DNAH17: variants seen among roughly 807,000 people sequenced by gnomAD.
DNAH17 encodes the protein axonemal beta dynein heavy chain 17.
Under a neutral mutation model 485.6 loss-of-function variants are expected in DNAH17, and 376 were observed. The ratio of observed to expected loss-of-function variants is 0.77; its 90% confidence interval spans 0.71 to 0.84. The LOEUF is 0.84. DNAH17 is among the 40% of genes least tolerant of loss of function. The pLI is 0.00. For synonymous variants in DNAH17, 3,031 were observed against 2,405.9 expected (o/e 1.26, Z -7.60); for missense variants, 6,370 against 5,839.3 (o/e 1.09, Z -2.96).
At chr17:78,513,081 C>T (rs1176370013) in intron 26 of DNAH17, among the ~76,000 whole-genome samples, 1 of 152,018 alleles carries the variant, frequency 6.6e-6, no homozygotes. Context: ...AAATCCTAAG[C>T]CCCCGAACAA....
chr17:78,524,190 T>C (rs2091004216), intron 25 of DNAH17, among the ~76,000 whole-genome samples: 1 of 152,072 alleles, frequency 6.6e-6, no homozygotes, highest in Admixed American at 6.6e-5. Context: ...CAGGCTGGAG[T>C]ACAGTGGCAC....
intron 46 of DNAH17, 51 bp downstream of exon 46, chr17:78,485,909 G>A (rs1181933895): frequency 1.1e-5 from 18 of 1,594,910 alleles, no homozygotes; most frequent in Admixed American, 6.8e-5. Flanking sequence ...GTACTGCACC[G>A]ATTCCTGCCT....
At chr17:78,453,603 C>T (rs2087651397) in intron 64 of DNAH17, 138 bp from the exon 65 acceptor site, 1 of 1,139,890 alleles carries the variant, frequency 8.8e-7, no homozygotes, top group Non-Finnish European at 1.2e-6. Flanking sequence ...CAACTTGTTC[C>T]CAACAGCTCG....
At chr17:78,487,198 T>C (rs1295368210) in intron 44 of DNAH17, among the ~76,000 whole-genome samples, 1 of 152,146 alleles carries the variant, frequency 6.6e-6, no homozygotes, top group Admixed American at 6.5e-5. Context: ...TTGAGTCAGC[T>C]CTACCATGGC....
At chr17:78,565,288 C>A (rs1222946572) in intron 11 of DNAH17, among the ~76,000 whole-genome samples, 4 of 152,228 alleles carry the variant, frequency 2.6e-5, no homozygotes, top group African/African-American at 7.2e-5. Context: ...ATAATTTTTT[C>A]AACCACAGCA....
At chr17:78,566,855 G>A in intron 10 of DNAH17, 125 bp from the exon 11 acceptor site, 2 of 1,305,360 alleles carry the variant, frequency 1.5e-6, no homozygotes, top group African/African-American at 1.5e-5. Context: ...CTGTTGCGGG[G>A]ACCGCTCTAC....
chr17:78,491,848 T>C (rs1424530413), intron 42 of DNAH17, among the ~76,000 whole-genome samples: 1 of 152,192 alleles, frequency 6.6e-6, no homozygotes, highest in Non-Finnish European at 1.5e-5. Context: ...GGCTCAGTTT[T>C]TCCAGGCTCA....
intron 11 of DNAH17, among the ~76,000 whole-genome samples, chr17:78,563,813 C>G (rs984942056): frequency 6.6e-6 from 1 of 152,110 alleles, no homozygotes; most frequent in Admixed American, 6.5e-5. Context: ...CTATTTAGAG[C>G]ACAGGGCTGT....
intron 1 of DNAH17, 111 bp from the exon 2 acceptor site, chr17:78,575,193 G>A: frequency 2.5e-6 from 2 of 788,850 alleles, no homozygotes; most frequent in South Asian, 1.9e-5. Context: ...GAACAAAACA[G>A]TTGGTCGAGA....
At chr17:78,544,824 A>AAAAAAAAAT in intron 16 of DNAH17, among the ~76,000 whole-genome samples, 1 of 146,874 alleles carries the variant, frequency 6.8e-6, no homozygotes, top group Non-Finnish European at 1.5e-5. Context: ...AAAAAAAAAA[A>AAAAAAAAAT]GGTGGGGGTG....
rs1027843613 is a variant in DNAH17, at chr17:78,566,605, C to T, written c.1569+9G>A. The stretch of plus-strand genomic sequence containing the variant: ...TCCAGATCTGCCTGCGTCTCCACTG[C>T]ATGCTTACCTTTGCGGAGGACTTGA... On this transcript the variant is annotated intron_variant, in intron 11 of 80. Coordinates refer to ENST00000389840, the MANE Select transcript of DNAH17 (RefSeq NM_173628.4). 3 of 1,588,754 alleles carry T rather than the reference C, an allele frequency of 1.9e-6. No individual in the cohort carries two copies. The South Asian group carries it at 3.4e-5, about 18-fold the overall frequency.
At position 78,476,697 on chromosome 17, in the gene DNAH17, G is replaced by C. The variant is rs1417991713; in HGVS notation, c.8029C>G (p.Pro2677Ala). ...AGCCAAAGGCGGACGAGGTCCAGTG[G>C]GGTTTTCAGAACTTCTGCTGTGGAA... is the stretch of plus-strand genomic sequence containing the variant. ...LFSTAEVLKT[P>A]LDLVRLWLHE... The change falls in exon 52 of 81, where the codon CCA becomes GCA. Residue 2677 changes from proline (P) to alanine (A), a missense_variant. Pro to Ala is a conservative substitution (Grantham distance 27, BLOSUM62 -1). Coordinates refer to ENST00000389840, the MANE Select transcript of DNAH17 (RefSeq NM_173628.4). The C allele has an allele frequency of 2.5e-6, 4 of 1,612,952 alleles. No homozygotes were observed. Among genetic ancestry groups the C allele is most frequent in the Admixed American group, 1.7e-5 (1 of 59,870 alleles).
chr17:78,481,912 G>A (rs1288671919), intron 48 of DNAH17, among the ~76,000 whole-genome samples: 2 of 152,036 alleles, frequency 1.3e-5, no homozygotes, highest in African/African-American at 4.8e-5. Flanking sequence ...CTACTTGGGA[G>A]GCTGAGGCAG....
chr17:78,560,968 G>A (rs1292207404), intron 12 of DNAH17, 33 bp from the exon 13 acceptor site: 1 of 1,534,254 alleles, frequency 6.5e-7, no homozygotes, highest in Non-Finnish European at 8.8e-7. Flanking sequence ...AGGCCCCACT[G>A]GATATCTCCT....
At chr17:78,484,449 C>A (rs12942000) in intron 48 of DNAH17, among the ~76,000 whole-genome samples, 1 of 151,844 alleles carries the variant, frequency 6.6e-6, no homozygotes, top group Non-Finnish European at 1.5e-5. Flanking sequence ...TCTGCTGGGG[C>A]TCCCAGCTGG....
At chr17:78,425,592 C>A (rs948427874) in intron 79 of DNAH17, 21 bp from the exon 80 acceptor site, 18 of 1,584,692 alleles carry the variant, frequency 1.1e-5, no homozygotes, top group Non-Finnish European at 1.5e-5. Context: ...ACACGAGCCG[C>A]TAGGAGGAGA....
chr17:78,487,628 A>G (rs2672907), intron 44 of DNAH17, among the ~76,000 whole-genome samples: 143,549 of 152,214 alleles, frequency 0.94, 67,756 homozygotes, highest in East Asian at 1. Flanking sequence ...GGGTTCAAGC[A>G]ATTCTCCTGT....
chr17:78,567,111 C>T lies in DNAH17; in HGVS notation c.1340G>A (p.Gly447Asp), dbSNP rs778904420. The change falls in exon 10 of 81, where the codon GGC becomes GAC. Residue 447 changes from glycine to aspartate, a missense_variant. Coordinates refer to ENST00000389840, the MANE Select transcript of DNAH17 (RefSeq NM_173628.4). ...FLKLEKIELG[G>D]VRGNLLGSLV... ...GCTCCCGAGGAGGTTCCCACGCACG[C>T]CCCCAAGCTCGATTTTCTCCAGCTT... 3.7e-6 allele frequency: 6 copies of T among 1,611,490 alleles called. No homozygotes were observed. The African/African-American group carries it at 6.7e-5, about 18-fold the overall frequency.
intron 14 of DNAH17, among the ~76,000 whole-genome samples, chr17:78,553,034 C>T (rs1438430658): frequency 2.6e-5 from 4 of 152,072 alleles, no homozygotes; most frequent in Non-Finnish European, 4.4e-5. Context: ...CCCCCGATGC[C>T]GTTCTTGGGA....
Sources: gnomAD v4.1 joint callset for allele counts (sites outside exome capture counted in the v4.1 genomes callset) on GRCh38, gnomAD v4.1.1 for gene constraint, MANE v1.5 for transcripts, NCBI Gene and HGNC (gene_info 2026-07-23, HGNC 2026-07-21) for gene names.